CNOT2: variants seen among roughly 807,000 people sequenced by gnomAD.
The protein encoded by CNOT2 is CCR4-NOT transcription complex subunit 2.
A neutral mutation model predicts 72.1 loss-of-function variants in CNOT2; 7 were observed. The ratio of observed to expected loss-of-function variants is 0.10; its 90% CI spans 0.06 to 0.18. CNOT2 has a LOEUF of 0.18. Among genes scored for constraint, CNOT2 ranks in the 10% least tolerant of loss-of-function variants. The pLI, the probability that CNOT2 is intolerant of heterozygous loss-of-function variation, is 1.00. For synonymous variants in CNOT2, 196 were observed against 225.6 expected (o/e 0.87, Z 1.17); for missense variants, 345 against 660.3 (o/e 0.52, Z 5.23).
chr12:70,295,842 T>A (rs938694591), intron 2 of CNOT2, among the ~76,000 whole-genome samples: 1 of 152,198 alleles, frequency 6.6e-6, no homozygotes, highest in Non-Finnish European at 1.5e-5. Flanking sequence ...ATTGTTCAAA[T>A]GTGAATCTAT....
chr12:70,302,734 A>C (rs12312558), intron 2 of CNOT2, among the ~76,000 whole-genome samples: 1,979 of 152,170 alleles, frequency 0.013, 4 homozygotes, highest in African/African-American at 0.045. Flanking sequence ...TATTAGGTCC[A>C]CTTGGTGCAG....
At chr12:70,310,813 G>A in intron 2 of CNOT2, 82 bp from the exon 3 acceptor site, 3 of 1,212,942 alleles carry the variant, frequency 2.5e-6, no homozygotes, top group Non-Finnish European at 2.3e-6. Flanking sequence ...CTCCCTTCAT[G>A]TTCTGTTTTC....
intron 2 of CNOT2, among the ~76,000 whole-genome samples, chr12:70,305,982 A>G (rs1875296985): frequency 7.0e-6 from 1 of 143,500 alleles, no homozygotes; most frequent in South Asian, 2.2e-4. Context: ...TTAGGAATTC[A>G]TAGCTAGTCT....
chr12:70,284,576 CTTTT>C (rs34386691), intron 2 of CNOT2, among the ~76,000 whole-genome samples: 2 of 94,980 alleles, frequency 2.1e-5, no homozygotes, highest in Non-Finnish European at 4.2e-5. Context: ...AAAATTTGAC[CTTTT>C]TTTTTTTTTT....
At chr12:70,307,930 C>G (rs1875720893) in intron 2 of CNOT2, 1 of 151,120 alleles carries the variant, frequency 6.6e-6, no homozygotes, top group Admixed American at 6.6e-5. Flanking sequence ...TTAAGTTACT[C>G]TTAAGCTTCG....
At position 70,354,133 on chromosome 12, in the gene CNOT2, G is replaced by A; in HGVS notation, c.*218G>A. ...TAAATTTGTAATTTGTTTTTCTCTAGTTTGAGCAGGGTCTGAATTTTTTCA... is the reference window on the plus strand; with the variant it reads ...TAAATTTGTAATTTGTTTTTCTCTAATTTGAGCAGGGTCTGAATTTTTTCA... On this transcript the variant is annotated 3_prime_UTR_variant, in exon 16 of 16. Coordinates refer to ENST00000229195, the MANE Select transcript of CNOT2 (RefSeq NM_014515.7). The A allele has an allele frequency of 1.1e-6, 1 of 873,814 alleles. No individual in the cohort carries two copies. The highest frequency in any genetic ancestry group is 1.6e-6 in the Non-Finnish European group (1 of 642,734). 54.1% of individuals were successfully genotyped at this position (873,814 alleles called of 1,614,324 possible). A position where few individuals can be genotyped will look rare whatever the true frequency, so the allele number is the denominator to read the frequency against.
At position 70,338,722 on chromosome 12, in the gene CNOT2, C is replaced by A; in HGVS notation, c.1078C>A (p.Leu360Met). 5.6e-6 allele frequency: 9 copies of A among 1,613,272 alleles called. No individual in the cohort carries two copies. The highest frequency in any genetic ancestry group is 6.8e-6 in the Non-Finnish European group (8 of 1,179,438). The change falls in exon 11 of 16, where the codon CTG becomes ATG. Residue 360 changes from leucine (L) to methionine (M), a missense_variant. Leu to Met is a conservative substitution (Grantham distance 15). Around this residue, in one of 4 missense-constraint regions of CNOT2, gnomAD observed 128 missense variants for 233.0 expected, o/e 0.55. Coordinates refer to ENST00000229195, the MANE Select transcript of CNOT2 (RefSeq NM_014515.7). ...MVTDQFGMIG[L>M]LTFIRAAETD... ...GACGGACCAATTTGGAATGATTGGCCTGTTAACATTTATCAGGGCAGCAGA... is the reference window on the plus strand; with the variant it reads ...GACGGACCAATTTGGAATGATTGGCATGTTAACATTTATCAGGGCAGCAGA...
chr12:70,294,318 G>T, intron 2 of CNOT2: 1 of 1,286,478 alleles, frequency 7.8e-7, no homozygotes, highest in Middle Eastern at 2.2e-4. Context: ...GGGGAAAGCC[G>T]GGGGAAAAAT....
At chr12:70,325,827 C>G (rs577223474) in intron 4 of CNOT2, among the ~76,000 whole-genome samples, 10 of 151,806 alleles carry the variant, frequency 6.6e-5, no homozygotes, top group African/African-American at 2.4e-4. Context: ...AAGGACTACT[C>G]TCTCCTGCCC....
intron 2 of CNOT2, among the ~76,000 whole-genome samples, chr12:70,284,483 T>C (rs2135833454): frequency 6.6e-6 from 1 of 151,958 alleles, no homozygotes; most frequent in South Asian, 2.1e-4. Context: ...TGACCTCAGG[T>C]GATCTCCCTG....
chr12:70,274,520 T>A (rs2135790182), intron 1 of CNOT2, among the ~76,000 whole-genome samples: 1 of 152,146 alleles, frequency 6.6e-6, no homozygotes, highest in African/African-American at 2.4e-5. Flanking sequence ...ACTACCAAAT[T>A]ACAGATATTT....
chr12:70,274,132 C>T (rs1294441799), intron 1 of CNOT2, among the ~76,000 whole-genome samples: 2 of 151,990 alleles, frequency 1.3e-5, no homozygotes, highest in African/African-American at 4.8e-5. Context: ...ATTTTTATTT[C>T]ACTGAAATTC....
intron 2 of CNOT2, 149 bp from the exon 3 acceptor site, chr12:70,310,746 G>A: frequency 1.8e-6 from 1 of 561,504 alleles, no homozygotes; most frequent in South Asian, 2.4e-5. Flanking sequence ...TCAGATTTAT[G>A]ACTTTATCAC....
At chr12:70,262,201 T>TA (rs1250322701) in intron 1 of CNOT2, among the ~76,000 whole-genome samples, 5 of 152,204 alleles carry the variant, frequency 3.3e-5, no homozygotes, top group Non-Finnish European at 7.3e-5. Context: ...CTAGTTCACT[T>TA]ATATCGGCTC....
intron 1 of CNOT2, among the ~76,000 whole-genome samples, chr12:70,254,324 T>C (rs367636624): frequency 1.3e-5 from 2 of 152,034 alleles, no homozygotes; most frequent in African/African-American, 4.8e-5. Flanking sequence ...GTACTGTACT[T>C]CTTGTGATCT....
intron 1 of CNOT2, among the ~76,000 whole-genome samples, chr12:70,258,537 A>G (rs1958565828): frequency 6.6e-6 from 1 of 152,238 alleles, no homozygotes; most frequent in Admixed American, 6.5e-5. Context: ...TAGATATTTT[A>G]TGTTACTCAT....
intron 13 of CNOT2, 133 bp downstream of exon 13, chr12:70,342,440 T>A: frequency 9.7e-7 from 1 of 1,030,326 alleles, no homozygotes; most frequent in Non-Finnish European, 1.4e-6. Context: ...ATGTCCATGT[T>A]AACTTGTTAA....
intron 2 of CNOT2, among the ~76,000 whole-genome samples, chr12:70,302,874 G>T (rs1874347609): frequency 2.0e-5 from 3 of 152,128 alleles, no homozygotes; most frequent in Non-Finnish European, 4.4e-5. Context: ...GGTCACTAAG[G>T]ACTTGCTTTA....
chr12:70,333,453 A>AG (rs1292003140), intron 7 of CNOT2, among the ~76,000 whole-genome samples: 1 of 151,970 alleles, frequency 6.6e-6, no homozygotes, highest in Non-Finnish European at 1.5e-5. Context: ...AGAAGAGAAC[A>AG]GGAAGCTTTG....
Sources: allele counts gnomAD v4.1 joint callset (sites outside exome capture counted in the v4.1 genomes callset), GRCh38; gene constraint gnomAD v4.1.1; regional missense constraint gnomAD v4.1.1; transcripts MANE v1.5; gene names NCBI Gene and HGNC (gene_info 2026-07-23, HGNC 2026-07-21).